SGCZ: variants seen among roughly 807,000 people sequenced by gnomAD.
SGCZ encodes zeta-sarcoglycan.
A neutral mutation model predicts 41.3 loss-of-function variants in SGCZ; 40 were observed. The observed-to-expected ratio is 0.97, with a 90% CI of 0.75 to 1.26. SGCZ has a LOEUF of 1.26. Ranked by LOEUF, SGCZ falls within the 50% of genes most tolerant of loss-of-function variation. The pLI, the probability that SGCZ is intolerant of heterozygous loss-of-function variation, is 0.00. For missense variants in SGCZ, 552 were observed against 369.8 expected (o/e 1.49, Z -4.04); for synonymous variants, 206 against 137.5 (o/e 1.50, Z -3.49).
intron 3 of SGCZ, among the ~76,000 whole-genome samples, chr8:14,304,755 C>T (rs913218404): frequency 1.6e-4 from 25 of 152,202 alleles, no homozygotes; most frequent in African/African-American, 4.3e-4. Flanking sequence ...TCTGTGGCTA[C>T]ATTTGAAAAC....
intron 1 of SGCZ, among the ~76,000 whole-genome samples, chr8:15,228,498 C>A (rs1801844660): frequency 6.6e-6 from 1 of 152,142 alleles, no homozygotes; most frequent in Non-Finnish European, 1.5e-5. Context: ...CTGATGAAAA[C>A]ATTGATTTTT....
chr8:14,381,697 G>C (rs78437643), intron 2 of SGCZ, among the ~76,000 whole-genome samples: 1 of 151,692 alleles, frequency 6.6e-6, no homozygotes, highest in Non-Finnish European at 1.5e-5. Flanking sequence ...AAGGTGAAAG[G>C]GTCTCTTGAG....
At chr8:14,596,066 G>A (rs1805403457) in intron 1 of SGCZ, among the ~76,000 whole-genome samples, 1 of 152,230 alleles carries the variant, frequency 6.6e-6, no homozygotes, top group Non-Finnish European at 1.5e-5. Flanking sequence ...GCCACCGTCA[G>A]ATAGATGGAC....
chr8:15,179,190 T>TTGATAATAA (rs1420063964), intron 1 of SGCZ, among the ~76,000 whole-genome samples: 13 of 152,182 alleles, frequency 8.5e-5, no homozygotes, highest in Non-Finnish European at 1.5e-5. Flanking sequence ...TAAAGATTCT[T>TTGATAATAA]ATTAATTGAT....
intron 1 of SGCZ, among the ~76,000 whole-genome samples, chr8:15,008,724 GGAGGGGGGAGGAGGGAGGGGAA>G (rs1802706127): frequency 1.6e-5 from 1 of 62,286 alleles, no homozygotes; most frequent in Non-Finnish European, 3.1e-5. Context: ...AGGGAGGGGA[GGAGGGGGGAGGAGGGAGGGGAA>G]GAGGGGGGAG....
chr8:14,778,093 A>T (rs988111950), intron 1 of SGCZ, among the ~76,000 whole-genome samples: 1 of 151,008 alleles, frequency 6.6e-6, no homozygotes. Context: ...CTGGCTAATA[A>T]TTTTTTTTTG....
intron 1 of SGCZ, among the ~76,000 whole-genome samples, chr8:15,164,540 G>C (rs887342664): frequency 6.6e-6 from 1 of 151,632 alleles, no homozygotes; most frequent in Non-Finnish European, 1.5e-5. Flanking sequence ...CGTGGTGGAA[G>C]AACCACTTGC....
chr8:15,132,303 T>C (rs778260287), intron 1 of SGCZ, among the ~76,000 whole-genome samples: 1 of 152,208 alleles, frequency 6.6e-6, no homozygotes, highest in Non-Finnish European at 1.5e-5. Flanking sequence ...AGACACTGTG[T>C]ATGTAATGCC....
chr8:14,486,261 G>C (rs1448690062), intron 2 of SGCZ, among the ~76,000 whole-genome samples: 2 of 152,022 alleles, frequency 1.3e-5, no homozygotes, highest in East Asian at 1.9e-4. Flanking sequence ...CATTGTTGTA[G>C]TTCCTGTGGA....
chr8:14,719,739 A>G (rs1489738586), intron 1 of SGCZ, among the ~76,000 whole-genome samples: 4 of 151,710 alleles, frequency 2.6e-5, no homozygotes, highest in Non-Finnish European at 5.9e-5. Context: ...AGTTCATTGT[A>G]GATTCTAGAT....
intron 1 of SGCZ, among the ~76,000 whole-genome samples, chr8:14,970,046 T>C (rs1023591440): frequency 1.3e-5 from 2 of 152,154 alleles, no homozygotes; most frequent in African/African-American, 2.4e-5. Context: ...GTCATTCTCA[T>C]ACAGTCATTT....
intron 1 of SGCZ, among the ~76,000 whole-genome samples, chr8:15,105,630 A>G (rs915901117): frequency 7.9e-5 from 12 of 152,174 alleles, no homozygotes. Context: ...CCGTCCTTCA[A>G]CATGTGAGGA....
intron 4 of SGCZ, among the ~76,000 whole-genome samples, chr8:14,173,168 AG>A (rs1417716785): frequency 7.9e-6 from 1 of 126,818 alleles, no homozygotes; most frequent in Admixed American, 7.4e-5. Flanking sequence ...CTGCTTTGAG[AG>A]TTTTTTTTTT....
At chr8:14,130,564 G>A (rs191483139) in intron 5 of SGCZ, among the ~76,000 whole-genome samples, 1 of 152,306 alleles carries the variant, frequency 6.6e-6, no homozygotes, top group East Asian at 1.9e-4. Flanking sequence ...AGTACAGCAA[G>A]TGAGTGGAGG....
chr8:15,114,650 T>A (rs1177225748), intron 1 of SGCZ, among the ~76,000 whole-genome samples: 1 of 152,142 alleles, frequency 6.6e-6, no homozygotes, highest in East Asian at 1.9e-4. Context: ...GAAGGCAGAA[T>A]AGTTACTGAA....
intron 3 of SGCZ, among the ~76,000 whole-genome samples, chr8:14,303,901 G>A (rs7461181): frequency 0.13 from 19,746 of 151,592 alleles, 1,460 homozygotes; most frequent in Admixed American, 0.2. Flanking sequence ...ATAGGCACCC[G>A]CCACCAAGCC....
chr8:14,442,205 T>G (rs1211715238), intron 2 of SGCZ, among the ~76,000 whole-genome samples: 1 of 152,196 alleles, frequency 6.6e-6, no homozygotes, highest in Non-Finnish European at 1.5e-5. Flanking sequence ...TTCCCATGTG[T>G]CATGGGAGGT....
chr8:14,797,943 T>TTTGGACCAAATCTACGTCTGA (rs1285662452), intron 1 of SGCZ, among the ~76,000 whole-genome samples: 1 of 152,126 alleles, frequency 6.6e-6, no homozygotes, highest in Non-Finnish European at 1.5e-5. Context: ...AGAACTGAGA[T>TTTGGACCAAATCTACGTCTGA]TTGGAAACCT....
At chr8:15,063,068 T>A (rs573716848) in intron 1 of SGCZ, among the ~76,000 whole-genome samples, 59 of 152,246 alleles carry the variant, frequency 3.9e-4, no homozygotes, top group Middle Eastern at 3.4e-3. Context: ...TTGGTTTGCC[T>A]AGTAAAATCC....
Sources: gnomAD v4.1 joint callset for allele counts (sites outside exome capture counted in the v4.1 genomes callset) on GRCh38, gnomAD v4.1.1 for gene constraint, MANE v1.5 for transcripts, NCBI Gene and HGNC (gene_info 2026-07-23, HGNC 2026-07-21) for gene names.